Variants in NOL6 observed in about 807,000 individuals in gnomAD.
NOL6 encodes the protein nucleolar RNA-associated protein.
Under a neutral mutation model 131.7 loss-of-function variants are expected in NOL6, and 33 were observed. That is an observed-to-expected ratio of 0.25 (90% CI 0.19 to 0.33). NOL6 has a LOEUF of 0.33. Ranked by LOEUF, NOL6 falls within the 10% of genes least tolerant of loss-of-function variation. NOL6 has a pLI of 1.00. For synonymous variants in NOL6, 580 were observed against 605.7 expected, an observed-to-expected ratio of 0.96 and a Z score of 0.62; for missense variants, 1,297 against 1,494.5, an observed-to-expected ratio of 0.87 and a Z score of 2.18.
In NOL6 at chr9:33,473,924, T is replaced by A. The variant is rs1029296097; in HGVS notation, c.-82A>T. 13 of 1,519,630 alleles carry A rather than the reference T, an allele frequency of 8.6e-6. No homozygotes were observed. In the Admixed American group the frequency reaches 2.1e-4, roughly 25 times the overall value. The allele number at this position is 1,519,630 out of a possible 1,614,324, so 94.1% of individuals were successfully genotyped here. ...AGCTTCCCACGTGGGCGGAAATGCC[T>A]AACTCCAGGCCCAAGTCCAGCCCAC... is the stretch of plus-strand genomic sequence containing the variant. On this transcript the variant is annotated 5_prime_UTR_variant, in exon 1 of 26. Coordinates refer to ENST00000297990, the MANE Select transcript of NOL6 (RefSeq NM_022917.5).
rs1827269503 is a variant in NOL6, at chr9:33,467,153, C to T, written c.1835G>A (p.Arg612His). The change falls in exon 14 of 26, where the codon CGC (arginine) becomes CAC (histidine). Residue 612 changes from arginine (R) to histidine (H), a missense_variant. Coordinates refer to ENST00000297990, the MANE Select transcript of NOL6 (RefSeq NM_022917.5). The surrounding 1 kb of genome is among the most constrained non-coding windows in gnomAD (Gnocchi z 4.4). ...GGTGACCACCTGGTGGGGAATAAGG[C>T]GCTTCTGGGACATAGAGGCTGCCTC... Reference protein sequence around the residue: ...VWEAASMSQKRLIPHQVVTHL... With the variant: ...VWEAASMSQKHLIPHQVVTHL... 3 of 1,614,190 alleles carry T rather than the reference C, an allele frequency of 1.9e-6. No homozygotes were observed. The highest frequency in any genetic ancestry group is 2.5e-6 in the Non-Finnish European group (3 of 1,180,042).
At chr9:33,468,728 C>A (rs1197251737) in intron 8 of NOL6, 24 bp downstream of exon 8, 2 of 1,613,916 alleles carry the variant, frequency 1.2e-6, no homozygotes, top group Non-Finnish European at 1.7e-6. Flanking sequence ...GAGCCCCTGG[C>A]CTTTCCCCAC....
chr9:33,472,508 C>A, intron 1 of NOL6, 96 bp from the exon 2 acceptor site: 2 of 906,314 alleles, frequency 2.2e-6, no homozygotes, highest in Non-Finnish European at 1.7e-6. Context: ...AAAAGCTTCA[C>A]CTGCTCTGTC....
At chr9:33,463,965 C>T in intron 22 of NOL6, 45 bp from the exon 23 acceptor site, 7 of 1,613,948 alleles carry the variant, frequency 4.3e-6, no homozygotes, top group Non-Finnish European at 3.4e-6. Context: ...GTGGGTCTCT[C>T]CCAGGTCAGG....
chr9:33,463,810 C>T, intron 23 of NOL6, 21 bp downstream of exon 23: 2 of 1,612,418 alleles, frequency 1.2e-6, no homozygotes, highest in Non-Finnish European at 8.5e-7. Context: ...GCCCTGGAGT[C>T]ACTGCTGGTC....
Position 33,464,096 on chromosome 9 carries a change from T to A in NOL6, c.2845A>T (p.Ile949Phe), listed in dbSNP as rs1272931378. The change falls in exon 22 of 26, where the codon ATT becomes TTT. Residue 949 changes from isoleucine to phenylalanine, a missense_variant. By Grantham distance (21) the Ile-to-Phe change is conservative. Transcript: ENST00000297990. ...TTTTTGCGGTCTTGGGGGGTAACAA[T>A]GACCATGACGGGGAGCTGTGCCCGA... ...AARAQLPVMV[I>F]VTPQDRKNSV... 4 of 1,613,442 alleles carry A rather than the reference T, an allele frequency of 2.5e-6. No individual in the cohort carries two copies. The highest frequency in any genetic ancestry group is 3.4e-6 in the Non-Finnish European group (4 of 1,179,806).
Position 33,465,052 on chromosome 9 carries a change from G to A in NOL6, c.2682-76C>T, listed in dbSNP as rs936385109. ...GGCTTCTCTCAGGCTATGGAGCTCAGACCCCCTGGTGTGGATTGGCAGGGC... is the reference window on the plus strand; with the variant it reads ...GGCTTCTCTCAGGCTATGGAGCTCAAACCCCCTGGTGTGGATTGGCAGGGC... On this transcript the variant is annotated intron_variant, in intron 20 of 25. Coordinates refer to ENST00000297990, the MANE Select transcript of NOL6 (RefSeq NM_022917.5). The A allele has an allele frequency of 2.7e-6, 4 of 1,473,868 alleles. No individual in the cohort carries two copies. In the Admixed American group the frequency reaches 7.1e-5, roughly 26 times the overall value. 91.3% of individuals were successfully genotyped at this position (1,473,868 alleles called of 1,614,324 possible).
Position 33,461,841 on chromosome 9 carries a change from C to T in NOL6, c.*823G>A, listed in dbSNP as rs1482387184. 4 of 294,124 alleles carry T rather than the reference C, an allele frequency of 1.4e-5. No homozygotes were observed. The East Asian group carries it at 2.4e-4, about 18-fold the overall frequency. 18.2% of individuals were successfully genotyped at this position (294,124 alleles called of 1,614,324 possible). ...GACTGAAAGGAGGCAGCATTCTCCT[C>T]CTTGGGCCCTGGGAGCTCCTGGGGA... On this transcript the variant is annotated 3_prime_UTR_variant, in exon 26 of 26. Transcript: ENST00000297990.
At position 33,464,893 on chromosome 9, in the gene NOL6, T is replaced by C. The variant is rs148693216; in HGVS notation, c.2765A>G (p.Asn922Ser). 1.5e-5 allele frequency: 24 copies of C among 1,612,970 alleles called. No individual in the cohort carries two copies. In the African/African-American group the frequency reaches 1.6e-4, roughly 11 times the overall value. The part of the protein sequence containing the change: ...WKNNPLFVNL[N>S]NELTVEEQVE... ...CTACCACTTACCAGTGAGCTCATTATTGAGGTTGACAAAGAGGGGGTTGTT... is the reference window on the plus strand; with the variant it reads ...CTACCACTTACCAGTGAGCTCATTACTGAGGTTGACAAAGAGGGGGTTGTT... Residue 922 changes from asparagine (N) to serine (S), a missense_variant, in exon 21 of 26, where the codon AAT becomes AGT. Coordinates refer to ENST00000297990, the MANE Select transcript of NOL6 (RefSeq NM_022917.5).
In NOL6 at chr9:33,467,973, C is replaced by T. The variant is rs761772620; in HGVS notation, c.1424+57G>A. On this transcript the variant is annotated intron_variant, in intron 11 of 25. Transcript: ENST00000297990. This position sits in a 1 kb window ranked among gnomAD's most constrained non-coding sequence, Gnocchi z 4.4. ...ACCTGTCTGAAGACCTTTGCCCCAC[C>T]ACTGTAGCCCCGAAGAGACAGGACC... is the stretch of plus-strand genomic sequence containing the variant. 1.1e-5 allele frequency: 17 copies of T among 1,612,306 alleles called. No individual in the cohort carries two copies. Among genetic ancestry groups the T allele is most frequent in the South Asian group, 5.5e-5 (5 of 90,950 alleles).
Position 33,466,217 on chromosome 9 carries a change from G to A in NOL6, c.2218C>T (p.His740Tyr), listed in dbSNP as rs761607074. Residue 740 changes from histidine (H) to tyrosine (Y), a missense_variant, in exon 18 of 26, where the codon CAC (histidine) becomes TAC (tyrosine). Coordinates refer to ENST00000297990, the MANE Select transcript of NOL6 (RefSeq NM_022917.5). ...AYVEPMTVVC[H>Y]LEGSGQWPQD... is the part of the protein sequence containing the mutation. ...GGCCACTGGCCACTGCCCTCCAGGT[G>A]ACAAACCACTGAGGAAGAAGAGTCA... 2.7e-5 allele frequency: 44 copies of A among 1,610,716 alleles called. No homozygotes were observed. Among genetic ancestry groups the A allele is most frequent in the Non-Finnish European group, 3.6e-5 (42 of 1,178,106 alleles).
Position 33,468,737 on chromosome 9 carries a change from A to C in NOL6, c.1147+15T>G. On this transcript the variant is annotated intron_variant, in intron 8 of 25. Coordinates refer to ENST00000297990, the MANE Select transcript of NOL6 (RefSeq NM_022917.5). ...GGAGTGGAGCCCCTGGCCTTTCCCC[A>C]CCTAGTTGCCTCACCCAGAAACTGC... 6.2e-7 allele frequency: 1 copy of C among 1,613,988 alleles called. No individual in the cohort carries two copies. The highest frequency in any genetic ancestry group is 8.5e-7 in the Non-Finnish European group (1 of 1,179,974).
rs539611964 is a variant in NOL6, at chr9:33,469,063, G to A, written c.921C>T (p.Leu307=). The part of the protein sequence containing the change: ...YNTWVLQDTV[L]ESHLQLLSTI... ...TTGACAGCAGCTGCAAATGGGACTC[G>A]AGAACTGTATCTTGCAGGACCCATG... The change falls in exon 7 of 26, where the codon CTC becomes CTT. Residue 307 remains leucine (L), a synonymous_variant. Coordinates refer to ENST00000297990, the MANE Select transcript of NOL6 (RefSeq NM_022917.5). 118 of 1,614,196 alleles carry A rather than the reference G, an allele frequency of 7.3e-5. 2 individuals are homozygous for A. In the South Asian group the frequency reaches 1.0e-3, roughly 14 times the overall value.
intron 10 of NOL6, 82 bp downstream of exon 10, chr9:33,468,239 T>G (rs1344349225): frequency 6.2e-6 from 10 of 1,607,898 alleles, no homozygotes; most frequent in Non-Finnish European, 8.5e-6. Flanking sequence ...TGAAGAGGAG[T>G]TTCTGGGGTT....
chr9:33,467,440 C>G lies in NOL6; in HGVS notation c.1679G>C (p.Gly560Ala). ...LTLGLLLRPE[G>A]LTSVLELGPE... ...ACCCAGCTCAAGGACGCTGGTCAGTCCCTCAGGCCGGAGAAGGAGTCCCAG... is the reference window on the plus strand; with the variant it reads ...ACCCAGCTCAAGGACGCTGGTCAGTGCCTCAGGCCGGAGAAGGAGTCCCAG... The change falls in exon 13 of 26, where the codon GGA (glycine) becomes GCA (alanine). Residue 560 changes from glycine (G) to alanine (A), a missense_variant. By Grantham distance (60) the Gly-to-Ala change is moderately conservative (BLOSUM62 0). Transcript: ENST00000297990. This position sits in a 1 kb window ranked among gnomAD's most constrained non-coding sequence, Gnocchi z 4.4. 6.2e-7 allele frequency: 1 copy of G among 1,614,194 alleles called. No individual in the cohort carries two copies. Among genetic ancestry groups the G allele is most frequent in the Non-Finnish European group, 8.5e-7 (1 of 1,180,044 alleles).
At position 33,471,993 on chromosome 9, in the gene NOL6, C is replaced by T; in HGVS notation, c.378+11G>A. The T allele has an allele frequency of 6.3e-7, 1 of 1,597,094 alleles. No homozygotes were observed. ...TCTTGGGCTTCCCAGTTCCCCAGGC[C>T]ACTTGCTTACCTCTGTCTCAGGGAC... On this transcript the variant is annotated intron_variant, in intron 3 of 25. Transcript: ENST00000297990.
intron 1 of NOL6, among the ~76,000 whole-genome samples, chr9:33,472,968 CAAAAAAAAAAA>C (rs398040337): frequency 4.2e-5 from 3 of 70,948 alleles, no homozygotes; most frequent in South Asian, 5.0e-4. Flanking sequence ...GCAAGACTGT[CAAAAAAAAAAA>C]AAAAAAAAAG....
chr9:33,465,474 T>A, intron 19 of NOL6, 115 bp from the exon 20 acceptor site: 1 of 1,255,366 alleles, frequency 8.0e-7, no homozygotes, highest in Non-Finnish European at 1.1e-6. Context: ...TCTCATATTC[T>A]CTTAAGAAAT....
In NOL6 at chr9:33,462,490, G is replaced by A. The variant is rs1827118827; in HGVS notation, c.*174C>T. 2 of 710,644 alleles carry A rather than the reference G, an allele frequency of 2.8e-6. No homozygotes were observed. Among genetic ancestry groups the A allele is most frequent in the Admixed American group, 2.8e-5 (1 of 35,568 alleles). 44.0% of individuals were successfully genotyped at this position (710,644 alleles called of 1,614,324 possible). ...CCACCATGCCCCTGCCCCAATGCTG[G>A]AGCATCAGAGAGAAAGTTGGGGCTG... On this transcript the variant is annotated 3_prime_UTR_variant, in exon 26 of 26. Coordinates refer to ENST00000297990, the MANE Select transcript of NOL6 (RefSeq NM_022917.5).
Sources: allele counts gnomAD v4.1 joint callset (sites outside exome capture counted in the v4.1 genomes callset), GRCh38; gene constraint gnomAD v4.1.1; non-coding constraint Gnocchi (gnomAD v3.1); transcripts MANE v1.5; gene names NCBI Gene and HGNC (gene_info 2026-07-23, HGNC 2026-07-21).